Variants in ZFHX3 observed in about 807,000 individuals in gnomAD.
ZFHX3 encodes zinc finger homeobox 3.
ZFHX3 carries 42 observed loss-of-function variants against 279.1 expected under a neutral mutation model. The observed-to-expected ratio is 0.15, with a 90% CI of 0.12 to 0.19. The LOEUF is 0.19. ZFHX3 is among the 10% of genes least tolerant of loss of function. The pLI is 1.00. For synonymous variants in ZFHX3, 2,293 were observed against 1,957.8 expected (o/e 1.17, Z -4.52); for missense variants, 4,981 against 4,754.0 (o/e 1.05, Z -1.40).
At position 73,693,451 on chromosome 16, in the gene ZFHX3, A is replaced by C. The variant is rs1052266266; in HGVS notation, c.-1607-13211T>G. 5.9e-5 allele frequency among the ~76,000 whole-genome samples: 9 copies of C among 152,112 alleles called. 1 individual carries two copies. Among genetic ancestry groups the C allele is most frequent in the African/African-American group, 2.2e-4 (9 of 41,404 alleles). ...TAGGGCTTCTCAAGACATTCAAGAC[A>C]TTTGCGTTTGAGCTGCACCGAGAAG... On this transcript the variant is annotated intron_variant, in intron 1 of 17. Transcript: ENST00000641206.
At chr16:73,006,482 G>A (rs1360906891) in intron 1 of ZFHX3, among the ~76,000 whole-genome samples, 1 of 152,054 alleles carries the variant, frequency 6.6e-6, no homozygotes, top group African/African-American at 2.4e-5. Flanking sequence ...TTAAAGCCCA[G>A]CATGGTGGTG....
intron 3 of ZFHX3, among the ~76,000 whole-genome samples, chr16:73,432,814 G>A (rs1412518210): frequency 6.6e-6 from 1 of 152,106 alleles, no homozygotes; most frequent in African/African-American, 2.4e-5. Flanking sequence ...GGCTGCAAGA[G>A]GCTACACAAG....
intron 1 of ZFHX3, among the ~76,000 whole-genome samples, chr16:73,851,851 C>A (rs78924884): frequency 6.6e-6 from 1 of 152,120 alleles, no homozygotes; most frequent in Non-Finnish European, 1.5e-5. Context: ...CACCATCTTC[C>A]ATAATGGTCC....
At chr16:73,149,647 T>C (rs1966893101) in intron 5 of ZFHX3, among the ~76,000 whole-genome samples, 1 of 152,202 alleles carries the variant, frequency 6.6e-6, no homozygotes, top group Non-Finnish European at 1.5e-5. Flanking sequence ...AACAACTTCC[T>C]ACTACTCCGT....
intron 2 of ZFHX3, among the ~76,000 whole-genome samples, chr16:73,588,603 T>C (rs1312305490): frequency 6.6e-6 from 1 of 150,680 alleles, no homozygotes; most frequent in Non-Finnish European, 1.5e-5. Flanking sequence ...GGCAGGAGAA[T>C]AGTGTGAACC....
chr16:73,174,410 T>C (rs1052911621), intron 5 of ZFHX3, among the ~76,000 whole-genome samples: 15 of 152,334 alleles, frequency 9.8e-5, no homozygotes, highest in Admixed American at 5.2e-4. Context: ...CCTGAAACTC[T>C]TCCAATTTCA....
chr16:73,296,249 A>C (rs2014907023), intron 4 of ZFHX3, among the ~76,000 whole-genome samples: 2 of 152,344 alleles, frequency 1.3e-5, no homozygotes, highest in Middle Eastern at 3.4e-3. Flanking sequence ...AAACTCTCTC[A>C]TTTAAAAACA....
chr16:73,034,763 T>C (rs1408933302), intron 1 of ZFHX3, among the ~76,000 whole-genome samples: 2 of 152,214 alleles, frequency 1.3e-5, no homozygotes, highest in Non-Finnish European at 2.9e-5. Context: ...CTTCTGCCTC[T>C]GGGAAGGTTT....
At chr16:73,786,731 G>T (rs1437551691) in intron 1 of ZFHX3, among the ~76,000 whole-genome samples, 2 of 152,184 alleles carry the variant, frequency 1.3e-5, no homozygotes, top group Non-Finnish European at 2.9e-5. Context: ...CCTCTCCAAA[G>T]CTCCAGGCTT....
intron 8 of ZFHX3, among the ~76,000 whole-genome samples, chr16:73,074,786 C>A (rs902669760): frequency 6.6e-6 from 1 of 150,938 alleles, no homozygotes; most frequent in Non-Finnish European, 1.5e-5. Context: ...TTCCTTTTTT[C>A]TTTTTCTTTT....
chr16:73,330,909 C>T (rs1473636550), intron 3 of ZFHX3, among the ~76,000 whole-genome samples: 1 of 152,110 alleles, frequency 6.6e-6, no homozygotes, highest in Non-Finnish European at 1.5e-5. Flanking sequence ...TGGCCTTGTT[C>T]TGATGATCCT....
At chr16:73,574,994 A>T (rs2051784802) in intron 2 of ZFHX3, among the ~76,000 whole-genome samples, 1 of 152,054 alleles carries the variant, frequency 6.6e-6, no homozygotes, top group South Asian at 2.1e-4. Context: ...TCAAGCTACC[A>T]CTTTGCACTT....
At chr16:73,832,446 A>G (rs1961023089) in intron 1 of ZFHX3, among the ~76,000 whole-genome samples, 1 of 152,224 alleles carries the variant, frequency 6.6e-6, no homozygotes, top group Admixed American at 6.5e-5. Flanking sequence ...AAGACTGAAA[A>G]AAGCATAAGA....
chr16:73,411,394 G>C (rs942390924), intron 3 of ZFHX3, among the ~76,000 whole-genome samples: 8 of 152,204 alleles, frequency 5.3e-5, no homozygotes, highest in Non-Finnish European at 1.2e-4. Flanking sequence ...GATTTTTCAA[G>C]AGTGTTGTTG....
At chr16:73,479,763 C>T (rs963157695) in intron 2 of ZFHX3, among the ~76,000 whole-genome samples, 2 of 152,184 alleles carry the variant, frequency 1.3e-5, no homozygotes, top group African/African-American at 4.8e-5. Context: ...TGGAAAGCCT[C>T]TGGGAGGAGG....
chr16:73,475,492 T>C (rs778044169), intron 2 of ZFHX3, among the ~76,000 whole-genome samples: 1 of 152,204 alleles, frequency 6.6e-6, no homozygotes, highest in South Asian at 2.1e-4. Context: ...GCCTAAAGGA[T>C]GTATATTTTA....
chr16:73,868,045 C>G (rs1048265272), intron 1 of ZFHX3, among the ~76,000 whole-genome samples: 9 of 152,228 alleles, frequency 5.9e-5, no homozygotes, highest in Admixed American at 1.3e-4. Flanking sequence ...CCTGCCCCTC[C>G]CTAAACCTGG....
At chr16:73,241,931 C>T (rs754735873) in intron 5 of ZFHX3, among the ~76,000 whole-genome samples, 37 of 151,982 alleles carry the variant, frequency 2.4e-4, no homozygotes, top group Non-Finnish European at 4.3e-4. Flanking sequence ...TTGAGTGACC[C>T]CTTTGAGAAC....
intron 5 of ZFHX3, among the ~76,000 whole-genome samples, chr16:73,155,919 A>G (rs1967069394): frequency 6.6e-6 from 1 of 152,014 alleles, no homozygotes. Context: ...ACACTCACAT[A>G]TATGTTATAT....
Sources: allele counts gnomAD v4.1 joint callset (sites outside exome capture counted in the v4.1 genomes callset), GRCh38; gene constraint gnomAD v4.1.1; transcripts MANE v1.5; gene names NCBI Gene and HGNC (gene_info 2026-07-23, HGNC 2026-07-21).